The following NRG3 variants were observed in gnomAD, a reference collection of about 807,000 sequenced individuals.
NRG3 encodes the protein neuregulin 3, also known as pro-neuregulin-3, membrane-bound isoform.
NRG3 carries 31 observed loss-of-function variants against 66.9 expected under a neutral mutation model. The ratio of observed to expected loss-of-function variants is 0.46; its 90% CI spans 0.35 to 0.63. The LOEUF is 0.63. Ranked by LOEUF, NRG3 falls within the 20% of genes least tolerant of loss-of-function variation. The pLI is 0.00. For synonymous variants in NRG3, 393 were observed against 359.4 expected (o/e 1.09, Z -1.06); for missense variants, 910 against 878.9 (o/e 1.04, Z -0.45).
chr10:82,675,021 G>A (rs1236167521), intron 2 of NRG3, among the ~76,000 whole-genome samples: 2 of 151,260 alleles, frequency 1.3e-5, no homozygotes, highest in East Asian at 1.9e-4. Context: ...GTGCAATGGC[G>A]CGCCTCGGCT....
chr10:82,512,287 A>T (rs1565009497), intron 2 of NRG3, among the ~76,000 whole-genome samples: 6 of 150,710 alleles, frequency 4.0e-5, no homozygotes. Context: ...TTTATCTTTT[A>T]TTTTTTTTTA....
chr10:82,083,763 G>A (rs367649912), intron 1 of NRG3, among the ~76,000 whole-genome samples: 1 of 148,044 alleles, frequency 6.8e-6, no homozygotes, highest in Non-Finnish European at 1.5e-5. Context: ...CCCGGCTAAT[G>A]TTTTTTTTTG....
chr10:82,655,585 C>T (rs1490347563), intron 2 of NRG3, among the ~76,000 whole-genome samples: 1 of 152,104 alleles, frequency 6.6e-6, no homozygotes, highest in Non-Finnish European at 1.5e-5. Flanking sequence ...ATCCTTAAGA[C>T]AAATTTAGTA....
chr10:82,164,052 C>G (rs2071833319), intron 1 of NRG3, among the ~76,000 whole-genome samples: 1 of 151,718 alleles, frequency 6.6e-6, no homozygotes. Flanking sequence ...TCCTGAGTAG[C>G]TGAGACTACA....
At chr10:82,653,921 G>T (rs781345154) in intron 2 of NRG3, among the ~76,000 whole-genome samples, 3 of 152,164 alleles carry the variant, frequency 2.0e-5, no homozygotes, top group Non-Finnish European at 4.4e-5. Flanking sequence ...CTTCTAGGTG[G>T]CAGGGGGGTG....
At chr10:82,268,689 T>TTTAG in intron 1 of NRG3, among the ~76,000 whole-genome samples, 1 of 152,094 alleles carries the variant, frequency 6.6e-6, no homozygotes, top group Non-Finnish European at 1.5e-5. Flanking sequence ...GCTGAGTGGG[T>TTTAG]TTAGTTATGT....
At chr10:82,467,391 C>T (rs1450745299) in intron 2 of NRG3, among the ~76,000 whole-genome samples, 1 of 152,162 alleles carries the variant, frequency 6.6e-6, no homozygotes. Flanking sequence ...CTGCCAAACT[C>T]ATGGTGAATA....
At chr10:82,472,132 A>G (rs1246226670) in intron 2 of NRG3, among the ~76,000 whole-genome samples, 1 of 152,170 alleles carries the variant, frequency 6.6e-6, no homozygotes, top group Non-Finnish European at 1.5e-5. Flanking sequence ...CAAATTAACC[A>G]TGGTCAAATT....
At chr10:82,349,618 G>A (rs1226623633) in intron 1 of NRG3, among the ~76,000 whole-genome samples, 1 of 152,010 alleles carries the variant, frequency 6.6e-6, no homozygotes, top group Non-Finnish European at 1.5e-5. Flanking sequence ...CGGCTGCTTT[G>A]TTTACCTAAG....
chr10:82,716,358 C>A (rs921619757), intron 2 of NRG3, among the ~76,000 whole-genome samples: 5 of 152,122 alleles, frequency 3.3e-5, no homozygotes, highest in Non-Finnish European at 5.9e-5. Flanking sequence ...TTTGCCCCCA[C>A]ACCCAATCCC....
intron 2 of NRG3, among the ~76,000 whole-genome samples, chr10:82,524,954 G>C (rs1846545021): frequency 6.6e-6 from 1 of 151,752 alleles, no homozygotes; most frequent in African/African-American, 2.4e-5. Context: ...TATTCACAGT[G>C]ATAGATCTTT....
chr10:82,861,552 A>C (rs2064127513), intron 3 of NRG3, among the ~76,000 whole-genome samples: 1 of 152,158 alleles, frequency 6.6e-6, no homozygotes, highest in African/African-American at 2.4e-5. Flanking sequence ...CATGCCACTC[A>C]TTTCTTAGCA....
At chr10:82,466,942 C>G (rs1211120157) in intron 2 of NRG3, among the ~76,000 whole-genome samples, 3 of 151,390 alleles carry the variant, frequency 2.0e-5, no homozygotes, top group Non-Finnish European at 4.4e-5. Flanking sequence ...AACATATTGG[C>G]CATACATTTT....
chr10:82,879,690 A>G (rs182754245), intron 4 of NRG3, among the ~76,000 whole-genome samples: 1 of 151,898 alleles, frequency 6.6e-6, no homozygotes, highest in East Asian at 1.9e-4. Context: ...GTTAGCCAGG[A>G]TGGTCTCGAT....
chr10:82,134,122 T>C (rs11528199), intron 1 of NRG3, among the ~76,000 whole-genome samples: 34,266 of 151,982 alleles, frequency 0.23, 4,854 homozygotes, highest in African/African-American at 0.4. Flanking sequence ...TTTGTTTTTC[T>C]CTTGTAAATT....
intron 1 of NRG3, among the ~76,000 whole-genome samples, chr10:82,332,961 T>C (rs1000230153): frequency 2.0e-5 from 3 of 152,200 alleles, no homozygotes; most frequent in Non-Finnish European, 4.4e-5. Flanking sequence ...AGAATGTTTT[T>C]CTACTTATAT....
At chr10:82,786,651 G>A (rs1255857698) in intron 3 of NRG3, among the ~76,000 whole-genome samples, 1 of 152,062 alleles carries the variant, frequency 6.6e-6, no homozygotes, top group Non-Finnish European at 1.5e-5. Context: ...TTAAGACTAG[G>A]GTGAGATAAA....
intron 2 of NRG3, among the ~76,000 whole-genome samples, chr10:82,438,777 G>T (rs1056769628): frequency 6.6e-6 from 1 of 152,264 alleles, no homozygotes; most frequent in Non-Finnish European, 1.5e-5. Flanking sequence ...GGGGGAGGGG[G>T]TTCTTCTTTC....
At chr10:81,915,926 T>C (rs1488599601) in intron 1 of NRG3, among the ~76,000 whole-genome samples, 1 of 152,034 alleles carries the variant, frequency 6.6e-6, no homozygotes, top group East Asian at 1.9e-4. Flanking sequence ...GAGAGATACA[T>C]AGAAATATAA....
Sources: gnomAD v4.1 joint callset for allele counts (sites outside exome capture counted in the v4.1 genomes callset) on GRCh38, gnomAD v4.1.1 for gene constraint, MANE v1.5 for transcripts, NCBI Gene and HGNC (gene_info 2026-07-23, HGNC 2026-07-21) for gene names.